The following FSTL4 variants were observed in gnomAD, a reference collection of about 807,000 sequenced individuals.
FSTL4 encodes the protein follistatin-related protein 4.
In FSTL4, 28 loss-of-function variants were observed where a neutral mutation model predicts 78.2. That is an observed-to-expected ratio of 0.36 (90% CI 0.27 to 0.49). FSTL4 has a LOEUF of 0.49. Among genes scored for constraint, FSTL4 ranks in the 20% least tolerant of loss-of-function variants. The pLI is 0.98. For missense variants in FSTL4, 922 were observed against 1,084.9 expected, an observed-to-expected ratio of 0.85 and a Z score of 2.11; for synonymous variants, 422 against 440.5, an observed-to-expected ratio of 0.96 and a Z score of 0.53.
At chr5:133,602,703 C>T (rs1305255682) in intron 2 of FSTL4, among the ~76,000 whole-genome samples, 9 of 152,128 alleles carry the variant, frequency 5.9e-5, no homozygotes, top group African/African-American at 9.7e-5. Context: ...TGGATTTAGA[C>T]GGCAGAGATA....
chr5:133,216,050 T>A (rs1388632030), intron 13 of FSTL4, among the ~76,000 whole-genome samples: 2 of 152,238 alleles, frequency 1.3e-5, no homozygotes, highest in Non-Finnish European at 2.9e-5. Flanking sequence ...TGTAGACATC[T>A]TGGGGGCTAT....
chr5:133,304,945 T>G (rs1176340026), intron 6 of FSTL4, among the ~76,000 whole-genome samples: 1 of 152,202 alleles, frequency 6.6e-6, no homozygotes, highest in Non-Finnish European at 1.5e-5. Context: ...AAGGGGCTCC[T>G]GACAACTTTT....
chr5:133,685,674 C>G, the FSTL4 span, among the ~76,000 whole-genome samples: 1 of 152,212 alleles, frequency 6.6e-6, no homozygotes, highest in African/African-American at 2.4e-5. Flanking sequence ...TCTTGGGCAC[C>G]CACAACATGA....
the FSTL4 span, among the ~76,000 whole-genome samples, chr5:133,711,222 C>A: frequency 6.6e-6 from 1 of 152,202 alleles, no homozygotes; most frequent in Non-Finnish European, 1.5e-5. Context: ...TGAAGACCAA[C>A]CAGTTTCTCT....
chr5:133,263,309 A>G (rs1274897327), intron 6 of FSTL4, among the ~76,000 whole-genome samples: 1 of 152,170 alleles, frequency 6.6e-6, no homozygotes, highest in African/African-American at 2.4e-5. Flanking sequence ...TTATTGATGC[A>G]TAAGTAATAC....
intron 3 of FSTL4, among the ~76,000 whole-genome samples, chr5:133,401,696 G>T (rs1756227644): frequency 6.6e-6 from 1 of 152,194 alleles, no homozygotes; most frequent in African/African-American, 2.4e-5. Flanking sequence ...AACTGGGAGT[G>T]GCGGAGATCA....
the FSTL4 span, among the ~76,000 whole-genome samples, chr5:133,738,794 G>A: frequency 1.1e-4 from 17 of 152,294 alleles, 1 homozygote; most frequent in South Asian, 3.5e-3. Context: ...AGCATTGCGT[G>A]TAGGAGTCAG....
intron 2 of FSTL4, among the ~76,000 whole-genome samples, chr5:133,581,246 T>A (rs1018370230): frequency 1.3e-5 from 2 of 152,188 alleles, no homozygotes; most frequent in Admixed American, 6.5e-5. Flanking sequence ...AGGCCCCCAG[T>A]GGTCAGCAGA....
At chr5:133,431,614 C>G (rs1756940497) in intron 3 of FSTL4, among the ~76,000 whole-genome samples, 1 of 152,222 alleles carries the variant, frequency 6.6e-6, no homozygotes, top group Non-Finnish European at 1.5e-5. Context: ...CAGCCAGCAG[C>G]TGAATGCTAC....
chr5:133,274,276 T>C (rs1752829053), intron 6 of FSTL4, among the ~76,000 whole-genome samples: 1 of 151,260 alleles, frequency 6.6e-6, no homozygotes, highest in Admixed American at 6.6e-5. Context: ...CCTTGAGAAG[T>C]GAGGGACAAA....
intron 6 of FSTL4, among the ~76,000 whole-genome samples, chr5:133,286,947 G>A (rs1441779738): frequency 6.6e-6 from 1 of 152,162 alleles, no homozygotes; most frequent in East Asian, 1.9e-4. Flanking sequence ...AGTACTGATT[G>A]TAAATATCAT....
At chr5:133,533,455 A>G (rs1377834676) in intron 3 of FSTL4, among the ~76,000 whole-genome samples, 1 of 152,160 alleles carries the variant, frequency 6.6e-6, no homozygotes. Context: ...CATGTTGGCC[A>G]GGCTGGTCTT....
At chr5:133,615,241 T>C (rs1761176958), upstream of FSTL4, among the ~76,000 whole-genome samples, 1 of 152,200 alleles carries the variant, frequency 6.6e-6, no homozygotes, top group Non-Finnish European at 1.5e-5. Context: ...TGGGAAGTCA[T>C]GTGAGAAGGT....
Position 133,361,460 on chromosome 5 carries a change from C to T in FSTL4, c.409+39278G>A, listed in dbSNP as rs537755521. Among the ~76,000 whole-genome samples, 1 of 152,340 alleles carries T rather than the reference C, an allele frequency of 6.6e-6. No individual in the cohort carries two copies. The highest frequency in any genetic ancestry group is 1.5e-5 in the Non-Finnish European group (1 of 68,036). On this transcript the variant is annotated intron_variant, in intron 4 of 15. Transcript: ENST00000265342. The surrounding 1 kb of genome is among the most constrained non-coding windows in gnomAD (Gnocchi z 4.3). ...TGCTCTGCCTGAGCTCCAATCTTTC[C>T]TCTTTTCATCCTTATCTGCCCAAGG... is the stretch of plus-strand genomic sequence containing the variant.
chr5:133,389,513 A>T (rs956524909), intron 4 of FSTL4, among the ~76,000 whole-genome samples: 4 of 152,110 alleles, frequency 2.6e-5, no homozygotes, highest in Non-Finnish European at 4.4e-5. Flanking sequence ...ACCCTTTCTG[A>T]CACCCCTGCC....
intron 2 of FSTL4, among the ~76,000 whole-genome samples, chr5:133,569,404 G>T (rs1013571628): frequency 6.6e-6 from 1 of 152,144 alleles, no homozygotes; most frequent in Non-Finnish European, 1.5e-5. Flanking sequence ...CCTGAGATAT[G>T]TTTATTATAT....
chr5:133,393,085 G>A (rs1755894356), intron 4 of FSTL4, among the ~76,000 whole-genome samples: 1 of 152,192 alleles, frequency 6.6e-6, no homozygotes, highest in African/African-American at 2.4e-5. Flanking sequence ...CCTGGAAGCA[G>A]ATACTGTAAA....
intron 3 of FSTL4, among the ~76,000 whole-genome samples, chr5:133,486,679 G>T (rs188529022): frequency 6.6e-6 from 1 of 152,026 alleles, no homozygotes; most frequent in Non-Finnish European, 1.5e-5. Flanking sequence ...ACCTAGAAAC[G>T]GCCCCCTCTT....
the FSTL4 span, among the ~76,000 whole-genome samples, chr5:133,694,302 C>T: frequency 8.1e-4 from 123 of 152,342 alleles, no homozygotes; most frequent in Admixed American, 1.3e-3. Context: ...GCCACAAAGG[C>T]CCAGATATAC....
Sources: gnomAD v4.1 joint callset for allele counts (sites outside exome capture counted in the v4.1 genomes callset) on GRCh38, gnomAD v4.1.1 for gene constraint, Gnocchi (gnomAD v3.1) non-coding constraint, MANE v1.5 for transcripts, NCBI Gene and HGNC (gene_info 2026-07-23, HGNC 2026-07-21) for gene names.